Variants in ENTR1 observed in about 807,000 individuals in gnomAD.
ENTR1 encodes endosome associated trafficking regulator 1.
ENTR1 carries 47 observed loss-of-function variants against 47.9 expected under a neutral mutation model. The observed-to-expected ratio is 0.98, with a 90% CI of 0.78 to 1.25. The LOEUF (loss-of-function observed/expected upper bound fraction) is 1.25, where lower values mean the gene tolerates loss of function less well. Ranked by LOEUF, ENTR1 falls within the 50% of genes most tolerant of loss-of-function variation. ENTR1 has a pLI of 0.00. For missense variants in ENTR1, 668 were observed against 570.5 expected, an observed-to-expected ratio of 1.17 and a Z score of -1.74; for synonymous variants, 290 against 245.8, an observed-to-expected ratio of 1.18 and a Z score of -1.68.
Position 136,407,565 on chromosome 9 carries a change from A to C in ENTR1, c.403-4T>G. On this transcript the variant is annotated splice_region_variant and splice_polypyrimidine_tract_variant and intron_variant, in intron 4 of 9. Coordinates refer to ENST00000357365, the MANE Select transcript of ENTR1 (RefSeq NM_001039707.2). ...CCAGGGAATGCCTCGAGGCTTCCTA[A>C]AAAAAAAAAAAAAAAAAAAACAATG... 6.7e-6 allele frequency: 1 copy of C among 148,370 alleles called. No homozygotes were observed. Among genetic ancestry groups the C allele is most frequent in the Non-Finnish European group, 9.7e-6 (1 of 102,614 alleles). The allele number at this position is 148,370 out of a possible 1,614,324, so 9.2% of individuals were successfully genotyped here. A position where few individuals can be genotyped will look rare whatever the true frequency, so the allele number is the denominator to read the frequency against.
chr9:136,405,092 G>C lies in ENTR1; in HGVS notation c.1004C>G (p.Thr335Ser). ...CCGATTCAGAGAAGAAACCCATACG[G>C]TCATCAGCTCCAGGTTCTGCTCCAC... ...QQVEQNLELM[T>S]KRAVKAENHV... is the part of the protein sequence containing the mutation. The change falls in exon 7 of 10, where the codon ACC becomes AGC. Residue 335 changes from threonine to serine, a missense_variant and splice_region_variant. By Grantham distance (58) the Thr-to-Ser change is moderately conservative. Coordinates refer to ENST00000357365, the MANE Select transcript of ENTR1 (RefSeq NM_001039707.2). 1.2e-6 allele frequency: 2 copies of C among 1,611,654 alleles called. No individual in the cohort carries two copies. The highest frequency in any genetic ancestry group is 1.7e-6 in the Non-Finnish European group (2 of 1,178,230).
rs779191725 is a variant in ENTR1 at position 136,407,226 on chromosome 9, C to T, written c.738G>A (p.Gly246=). 6.2e-7 allele frequency: 1 copy of T among 1,613,242 alleles called. No individual in the cohort carries two copies. ...GAACCGCAAAGTCTGCGCTAGGACT[C>T]CCTGCCGGAGAGGCCGGAGACACGC... ...DSRVSPASPA[G]SPSADFAVHG... Residue 246 remains glycine (G), a synonymous_variant, in exon 5 of 10, where the codon GGG becomes GGA. Transcript: ENST00000357365.
chr9:136,405,057 C>A, intron 7 of ENTR1, 34 bp downstream of exon 7: 1 of 1,558,530 alleles, frequency 6.4e-7, no homozygotes, highest in Non-Finnish European at 8.8e-7. Context: ...TCCTGCCCCA[C>A]CCAGCTCGTC....
At chr9:136,407,624 T>G in intron 4 of ENTR1, 63 bp from the exon 5 acceptor site, 2 of 1,494,916 alleles carry the variant, frequency 1.3e-6, no homozygotes, top group South Asian at 2.8e-5. Context: ...CGCATCTTCC[T>G]TTCTGTGTTC....
chr9:136,407,795 A>G, intron 4 of ENTR1, 31 bp downstream of exon 4: 1 of 1,516,692 alleles, frequency 6.6e-7, no homozygotes, highest in South Asian at 1.1e-5. Flanking sequence ...AACGTCCCAC[A>G]GAGCCATCGC....
intron 9 of ENTR1, 109 bp downstream of exon 9, chr9:136,403,946 T>G: frequency 3.0e-6 from 4 of 1,315,494 alleles, no homozygotes; most frequent in Non-Finnish European, 4.1e-6. Context: ...AGCTCCCTGG[T>G]CCTCCAGCCA....
At chr9:136,404,791 C>A (rs1325014284) in intron 7 of ENTR1, 98 bp from the exon 8 acceptor site, 6 of 1,263,784 alleles carry the variant, frequency 4.7e-6, no homozygotes, top group South Asian at 1.2e-5. Flanking sequence ...GGGCACCCAA[C>A]CTGGCTGTGG....
intron 3 of ENTR1, among the ~76,000 whole-genome samples, chr9:136,408,631 T>G (rs1303650296): frequency 1.3e-5 from 2 of 152,148 alleles, no homozygotes; most frequent in Admixed American, 6.5e-5. Context: ...GGGGACCCAG[T>G]GCCCCCTGAC....
Position 136,407,512 on chromosome 9 carries a change from T to A in ENTR1, c.452A>T (p.Gln151Leu), listed in dbSNP as rs1251271352. The A allele has an allele frequency of 3.1e-6, 5 of 1,605,614 alleles. No homozygotes were observed. The Admixed American group carries it at 5.1e-5, about 16-fold the overall frequency. The change falls in exon 5 of 10, where the codon CAA becomes CTA. Residue 151 changes from glutamine to leucine, a missense_variant. By Grantham distance (113) the Gln-to-Leu change is moderately radical. Coordinates refer to ENST00000357365, the MANE Select transcript of ENTR1 (RefSeq NM_001039707.2). Reference sequence around the variant, plus strand: ...ATACTCCAGGCCATACCCGCCGGTTTGGGAGGGTGGGGAGTTGTGGTCAAG... The same window carrying A: ...ATACTCCAGGCCATACCCGCCGGTTAGGGAGGGTGGGGAGTTGTGGTCAAG... ...LGLDHNSPPS[Q>L]TGGYGLEYQQ...
At chr9:136,408,891 T>G in intron 3 of ENTR1, 108 bp downstream of exon 3, 2 of 822,670 alleles carry the variant, frequency 2.4e-6, no homozygotes, top group Non-Finnish European at 2.1e-6. Context: ...CCTGCTCTTT[T>G]GGGCTCCAGC....
rs778367478 is a variant in ENTR1 at position 136,408,998 on chromosome 9, C to T, written c.289+1G>A. On this transcript the variant is annotated splice_donor_variant, in intron 3 of 9. Coordinates refer to ENST00000357365, the MANE Select transcript of ENTR1 (RefSeq NM_001039707.2). LOFTEE classifies it high-confidence loss of function. ...AAGAAAAGGTTGCTGAACTACTCTA[C>T]CTCCAAAATGTGTCCCGTGGGCTCC... 2 of 1,612,910 alleles carry T rather than the reference C, an allele frequency of 1.2e-6. No homozygotes were observed. Among genetic ancestry groups the T allele is most frequent in the East Asian group, 4.5e-5 (2 of 44,852 alleles).
In ENTR1 at chr9:136,405,151, G is replaced by C; in HGVS notation, c.945C>G (p.Ser315Arg). The C allele has an allele frequency of 6.2e-7, 1 of 1,613,986 alleles. No homozygotes were observed. The highest frequency in any genetic ancestry group is 8.5e-7 in the Non-Finnish European group (1 of 1,179,938). ...CCACCGACTCCAGGTCGTGGTAGTC[G>C]CTTTCCTCCTTGATCATTTTTGCTT... ...KLEAKMIKEE[S>R]DYHDLESVVQ... is the part of the protein sequence containing the mutation. Residue 315 changes from serine to arginine, a missense_variant, in exon 7 of 10, where the codon AGC becomes AGG. Ser to Arg is a moderately radical substitution (Grantham distance 110). Coordinates refer to ENST00000357365, the MANE Select transcript of ENTR1 (RefSeq NM_001039707.2).
intron 6 of ENTR1, 30 bp from the exon 7 acceptor site, chr9:136,405,232 T>C (rs1398904686): frequency 6.4e-7 from 1 of 1,550,572 alleles, no homozygotes; most frequent in South Asian, 1.1e-5. Context: ...AGTTGTTAAT[T>C]TCTGTGGCTA....
chr9:136,406,668 G>C (rs1221175890), intron 5 of ENTR1, among the ~76,000 whole-genome samples: 2 of 149,904 alleles, frequency 1.3e-5, no homozygotes, highest in Admixed American at 6.7e-5. Flanking sequence ...GTAGAGACAG[G>C]GTTTCACCAT....
intron 4 of ENTR1, 65 bp from the exon 5 acceptor site, chr9:136,407,626 T>C (rs1032841549): frequency 4.7e-6 from 7 of 1,492,896 alleles, no homozygotes; most frequent in Admixed American, 2.5e-5. Flanking sequence ...CATCTTCCTT[T>C]CTGTGTTCTG....
intron 6 of ENTR1, 105 bp from the exon 7 acceptor site, chr9:136,405,307 G>C (rs1834714146): frequency 1.1e-6 from 1 of 882,198 alleles, no homozygotes; most frequent in African/African-American, 1.6e-5. Flanking sequence ...GCCTGTGATG[G>C]AATGGGTCTC....
rs1380796649 is a variant in ENTR1, at chr9:136,409,055, C to A, written c.233G>T (p.Gly78Val). ...ASVGDTDFGY[G>V]KGKCSKQSPS... ...GCTCTGCTTAGAACATTTCCCCTTT[C>A]CATAGCCAAAATCTGCAAAGAAACA... The change falls in exon 3 of 10, where the codon GGA (glycine) becomes GTA (valine). Residue 78 changes from glycine to valine, a missense_variant. Physicochemically the swap from Gly to Val is moderately radical, Grantham distance 109. Coordinates refer to ENST00000357365, the MANE Select transcript of ENTR1 (RefSeq NM_001039707.2). 1.2e-6 allele frequency: 2 copies of A among 1,613,974 alleles called. No homozygotes were observed. Among genetic ancestry groups the A allele is most frequent in the Non-Finnish European group, 8.5e-7 (1 of 1,179,972 alleles).
chr9:136,404,646 T>A lies in ENTR1; in HGVS notation c.1053A>T (p.Glu351Asp). The change falls in exon 8 of 10, where the codon GAA (glutamate) becomes GAT (aspartate). Residue 351 changes from glutamate (E) to aspartate (D), a missense_variant. Physicochemically the swap from Glu to Asp is conservative, Grantham distance 45. Coordinates refer to ENST00000357365, the MANE Select transcript of ENTR1 (RefSeq NM_001039707.2). ...AENHVVKLKQ[E>D]ISLLQAQVSN... is the part of the protein sequence containing the mutation. ...CTTTAATTACCTGGAGCAAACTGAT[T>A]TCCTGTTTTAGTTTCACGACGTGGT... The A allele has an allele frequency of 6.2e-7, 1 of 1,614,122 alleles. No individual in the cohort carries two copies. Among genetic ancestry groups the A allele is most frequent in the Non-Finnish European group, 8.5e-7 (1 of 1,180,016 alleles).
Position 136,405,084 on chromosome 9 carries a change from C to A in ENTR1, c.1005+7G>T. 6.2e-7 allele frequency: 1 copy of A among 1,609,452 alleles called. No individual in the cohort carries two copies. Among genetic ancestry groups the A allele is most frequent in the Non-Finnish European group, 8.5e-7 (1 of 1,176,414 alleles). On this transcript the variant is annotated splice_region_variant and intron_variant, in intron 7 of 9. Coordinates refer to ENST00000357365, the MANE Select transcript of ENTR1 (RefSeq NM_001039707.2). ...CAGCTCGTCCGATTCAGAGAAGAAA[C>A]CCATACGGTCATCAGCTCCAGGTTC... is the stretch of plus-strand genomic sequence containing the variant.
Sources: gnomAD v4.1 joint callset for allele counts (sites outside exome capture counted in the v4.1 genomes callset) on GRCh38, gnomAD v4.1.1 for gene constraint, MANE v1.5 for transcripts, NCBI Gene and HGNC (gene_info 2026-07-23, HGNC 2026-07-21) for gene names.